The following HOMER3 variants were observed in gnomAD, a reference collection of about 807,000 sequenced individuals.
HOMER3 encodes the protein homer protein homolog 3.
HOMER3 carries 34 observed loss-of-function variants against 45.5 expected under a neutral mutation model. The ratio of observed to expected loss-of-function variants is 0.75; its 90% CI spans 0.57 to 1.00. The LOEUF (loss-of-function observed/expected upper bound fraction) is 1.00. HOMER3 is among the 50% of genes least tolerant of loss of function. The pLI, the probability that HOMER3 is intolerant of heterozygous loss-of-function variation, is 0.00. For synonymous variants in HOMER3, 223 were observed against 208.8 expected (o/e 1.07, Z -0.58); for missense variants, 480 against 497.5 (o/e 0.96, Z 0.33).
At chr19:18,932,172 TG>T (rs1424124901) in intron 6 of HOMER3, 40 bp from the exon 7 acceptor site, 4 of 704,212 alleles carry the variant, frequency 5.7e-6, no homozygotes, top group South Asian at 7.6e-5. Context: ...GACACGGGGC[TG>T]GGGGGCGGAG....
chr19:18,938,706 C>T, intron 3 of HOMER3, 22 bp downstream of exon 3: 2 of 1,559,108 alleles, frequency 1.3e-6, no homozygotes, highest in Non-Finnish European at 1.7e-6. Flanking sequence ...GTGCCTCTGC[C>T]CCACCCAGAC....
chr19:18,938,316 C>G (rs371598045), intron 4 of HOMER3, 37 bp downstream of exon 4: 9 of 1,584,724 alleles, frequency 5.7e-6, no homozygotes, highest in Middle Eastern at 3.4e-4. Flanking sequence ...GGCCCAGTCT[C>G]ATCGGTTCCC....
rs1471848316 is a variant in HOMER3 at position 18,929,485 on chromosome 19, C to T, written c.1044G>A (p.Glu348=). 2 of 1,598,172 alleles carry T rather than the reference C, an allele frequency of 1.3e-6. No individual in the cohort carries two copies. Among genetic ancestry groups the T allele is most frequent in the South Asian group, 1.1e-5 (1 of 89,578 alleles). ...CCAGGCGGGCCAGGCCCTCACGCAGCTCACTCAGCTCAAACAGGCTGACGT... is the reference window on the plus strand; with the variant it reads ...CCAGGCGGGCCAGGCCCTCACGCAGTTCACTCAGCTCAAACAGGCTGACGT... ...LLDVSLFELS[E]LREGLARLAE... Residue 348 remains glutamate, a synonymous_variant, in exon 10 of 10, where the codon GAG becomes GAA. Transcript: ENST00000392351.
At chr19:18,932,263 G>A in intron 6 of HOMER3, 131 bp from the exon 7 acceptor site, 5 of 946,444 alleles carry the variant, frequency 5.3e-6, no homozygotes, top group Non-Finnish European at 5.9e-6. Flanking sequence ...TGGCGAGGGT[G>A]CGGAGTCGTG....
In HOMER3 at chr19:18,933,027, C is replaced by G. The variant is rs142466606; in HGVS notation, c.430G>C (p.Val144Leu). The change falls in exon 6 of 10, where the codon GTC becomes CTC. Residue 144 changes from valine to leucine, a missense_variant. Val to Leu is a conservative substitution (Grantham distance 32, BLOSUM62 1). Transcript: ENST00000392351. ...TCCTCGCCGGGGCCGTTGGCACTGA[C>G]GAGAGGGCTCGGGGGCACCTAGGCA... ...ASHQVPPSPLVSANGPGEEKL... is the reference protein window; with the variant it reads ...ASHQVPPSPLLSANGPGEEKL... 3 of 1,488,378 alleles carry G rather than the reference C, an allele frequency of 2.0e-6. No homozygotes were observed. Among genetic ancestry groups the G allele is most frequent in the African/African-American group, 3.0e-5 (2 of 67,732 alleles). 92.2% of individuals were successfully genotyped at this position (1,488,378 alleles called of 1,614,324 possible).
rs562321452 is a variant in HOMER3 at position 18,930,488 on chromosome 19, C to T, written c.894+837G>A. ...GAGTGAACCTGGGAGGCGGAGCTTG[C>T]GCCACTGCACTCCAGCCTGGGCAAC... On this transcript the variant is annotated intron_variant, in intron 9 of 9. Coordinates refer to ENST00000392351, the MANE Select transcript of HOMER3 (RefSeq NM_004838.4). 5.3e-5 allele frequency among the ~76,000 whole-genome samples: 8 copies of T among 151,142 alleles called. No homozygotes were observed. In the South Asian group the frequency reaches 8.4e-4, roughly 16 times the overall value.
In HOMER3 at chr19:18,934,530, GGAA is replaced by G. The variant is rs553329095; in HGVS notation, c.304-123_304-121del. The G allele has an allele frequency of 2.4e-3, 1,189 of 504,516 alleles. 11 individuals are homozygous for G. Among genetic ancestry groups the G allele is most frequent in the African/African-American group, 0.018 (925 of 50,018 alleles). 31.3% of individuals were successfully genotyped at this position (504,516 alleles called of 1,614,324 possible). A position where few individuals can be genotyped will look rare whatever the true frequency, so the allele number is the denominator to read the frequency against. ...TACCCATCCCCTTATCACACACCTT[GGAA>G]GAAGGAGAGAAACTTTGAAAAATGA... On this transcript the variant is annotated intron_variant, in intron 4 of 9. Transcript: ENST00000392351.
chr19:18,934,168 G>A lies in HOMER3; in HGVS notation c.411+135C>T, dbSNP rs58230872. 9.0e-3 allele frequency: 4,642 copies of A among 517,412 alleles called. 184 individuals carry two copies. Among genetic ancestry groups the A allele is most frequent in the African/African-American group, 0.081 (4,053 of 50,208 alleles). 32.1% of individuals were successfully genotyped at this position (517,412 alleles called of 1,614,324 possible). On this transcript the variant is annotated intron_variant, in intron 5 of 9. Transcript: ENST00000392351. ...GTCCCTGCTGTGGGTCTAACCTTAG[G>A]TCATCTGGAAGCATTGGGTCTTGAC...
At position 18,941,128 on chromosome 19, in the gene HOMER3, G is replaced by A. The variant is rs1027068070; in HGVS notation, c.-145C>T. On this transcript the variant is annotated 5_prime_UTR_variant, in exon 1 of 10. Transcript: ENST00000392351. ...CGCGGCGCTGACTCCGCGCTGCCGGGCGCCCCGCTCGCTCCCTGGCTCCCG... is the reference window on the plus strand; with the variant it reads ...CGCGGCGCTGACTCCGCGCTGCCGGACGCCCCGCTCGCTCCCTGGCTCCCG... The A allele has an allele frequency of 6.7e-6, 1 of 149,844 alleles. No individual in the cohort carries two copies. The highest frequency in any genetic ancestry group is 1.9e-4 in the East Asian group (1 of 5,130). 9.3% of individuals were successfully genotyped at this position (149,844 alleles called of 1,614,324 possible). A position where few individuals can be genotyped will look rare whatever the true frequency, so the allele number is the denominator to read the frequency against.
At chr19:18,936,301 G>A (rs1568340059) in intron 4 of HOMER3, among the ~76,000 whole-genome samples, 1 of 145,740 alleles carries the variant, frequency 6.9e-6, no homozygotes, top group East Asian at 2.0e-4. Context: ...GGACAAGAGT[G>A]AAACTCTGTC....
chr19:18,938,394 CTG>C lies in HOMER3; in HGVS notation c.260_261del (p.Thr87SerfsTer9). ...FGQWADSRANTVYGLGFASEQ... is the reference protein window; with the variant it reads ...FGQWADSRANXVYGLGFASEQ... ...TCAGAGGCAAAGCCCAGGCCGTAGA[CTG>C]TGTTGGCGCGACTGTCGGCCCACTG... On this transcript the variant is annotated frameshift_variant, in exon 4 of 10. Transcript: ENST00000392351. LOFTEE classifies it high-confidence loss of function. The C allele has an allele frequency of 6.2e-7, 1 of 1,614,012 alleles. No homozygotes were observed. Among genetic ancestry groups the C allele is most frequent in the Non-Finnish European group, 8.5e-7 (1 of 1,179,900 alleles).
Position 18,931,327 on chromosome 19 carries a change from G to C in HOMER3, c.892C>G (p.Gln298Glu). The change falls in exon 9 of 10, where the codon CAG (glutamine) becomes GAG (glutamate). Residue 298 changes from glutamine (Q) to glutamate (E), a missense_variant and splice_region_variant. By Grantham distance (29) the Gln-to-Glu change is conservative. Coordinates refer to ENST00000392351, the MANE Select transcript of HOMER3 (RefSeq NM_004838.4). ...AEREETQQKV[Q>E]DLETRNAELE... Reference sequence around the variant, plus strand: ...CACCTCCTTGTGCCCACACACACCTGCACCTTCTGCTGAGTCTCCTCACGC... The same window carrying C: ...CACCTCCTTGTGCCCACACACACCTCCACCTTCTGCTGAGTCTCCTCACGC... 6.2e-7 allele frequency: 1 copy of C among 1,613,812 alleles called. No individual in the cohort carries two copies. Among genetic ancestry groups the C allele is most frequent in the Non-Finnish European group, 8.5e-7 (1 of 1,179,828 alleles).
chr19:18,930,832 C>G (rs767719125), intron 9 of HOMER3, among the ~76,000 whole-genome samples: 16 of 152,048 alleles, frequency 1.1e-4, no homozygotes, highest in Non-Finnish European at 1.5e-4. Context: ...CATGGTGAAA[C>G]CCTGTCTCTA....
At chr19:18,932,783 T>G in intron 6 of HOMER3, 141 bp downstream of exon 6, 1 of 641,104 alleles carries the variant, frequency 1.6e-6, no homozygotes, top group South Asian at 3.3e-5. Flanking sequence ...GGGGCAGCAT[T>G]CAGATCCTCA....
At chr19:18,935,154 G>GC (rs370924317) in intron 4 of HOMER3, among the ~76,000 whole-genome samples, 1 of 136,846 alleles carries the variant, frequency 7.3e-6, no homozygotes, top group Non-Finnish European at 1.5e-5. Context: ...TTTTTTTTTG[G>GC]GGGGGGACAG....
Position 18,934,317 on chromosome 19 carries a change from G to A in HOMER3, c.397C>T (p.Leu133Phe), listed in dbSNP as rs1045457548. Residue 133 changes from leucine to phenylalanine, a missense_variant, in exon 5 of 10, where the codon CTC (leucine) becomes TTC (phenylalanine). Leu to Phe is a conservative substitution (Grantham distance 22). Coordinates refer to ENST00000392351, the MANE Select transcript of HOMER3 (RefSeq NM_004838.4). ...GGAGTGCTGACCTGGTGGGAGGCGA[G>A]CCCCAGGGCTGGACTGGTGAGCTCC... is the stretch of plus-strand genomic sequence containing the variant. Reference protein sequence around the residue: ...GGELTSPALGLASHQVPPSPL... With the variant: ...GGELTSPALGFASHQVPPSPL... 1 of 1,536,590 alleles carries A rather than the reference G, an allele frequency of 6.5e-7. No individual in the cohort carries two copies. The highest frequency in any genetic ancestry group is 8.8e-7 in the Non-Finnish European group (1 of 1,140,626).
intron 6 of HOMER3, among the ~76,000 whole-genome samples, chr19:18,932,440 T>G (rs886204): frequency 6.7e-6 from 1 of 149,376 alleles, no homozygotes; most frequent in Non-Finnish European, 1.5e-5. Context: ...AGGGGTGGCT[T>G]TGGGCTAGGG....
chr19:18,933,037 C>G lies in HOMER3; in HGVS notation c.420G>C (p.Pro140=). 1.3e-6 allele frequency: 2 copies of G among 1,488,258 alleles called. No homozygotes were observed. Among genetic ancestry groups the G allele is most frequent in the Non-Finnish European group, 1.8e-6 (2 of 1,123,678 alleles). 92.2% of individuals were successfully genotyped at this position (1,488,258 alleles called of 1,614,324 possible). ...ALGLASHQVP[P]SPLVSANGPG... ...GGCCGTTGGCACTGACGAGAGGGCT[C>G]GGGGGCACCTAGGCACGGGGAAAAG... is the stretch of plus-strand genomic sequence containing the variant. Residue 140 remains proline (P), a synonymous_variant, in exon 6 of 10, where the codon CCG becomes CCC. Transcript: ENST00000392351.
intron 9 of HOMER3, 179 bp downstream of exon 9, chr19:18,931,145 AC>A (rs2057026986): frequency 8.8e-6 from 5 of 569,684 alleles, no homozygotes; most frequent in Non-Finnish European, 1.3e-5. Context: ...TGCTTGTTGA[AC>A]CCATAGATGG....
Sources: allele counts gnomAD v4.1 joint callset (sites outside exome capture counted in the v4.1 genomes callset), GRCh38; gene constraint gnomAD v4.1.1; transcripts MANE v1.5; gene names NCBI Gene and HGNC (gene_info 2026-07-23, HGNC 2026-07-21).